ASB9: variants seen among roughly 807,000 people sequenced by gnomAD.
The protein encoded by ASB9 is ankyrin repeat and SOCS box protein 9.
A neutral mutation model predicts 16.6 loss-of-function variants in ASB9; 5 were observed. The ratio of observed to expected loss-of-function variants is 0.30; its 90% CI spans 0.16 to 0.63. ASB9 has a LOEUF of 0.63. Ranked by LOEUF, ASB9 falls within the 30% of genes least tolerant of loss-of-function variation. The pLI is 0.82. For missense variants in ASB9, 216 were observed against 229.4 expected (o/e 0.94, Z 0.38); for synonymous variants, 100 against 86.4 (o/e 1.16, Z -0.87).
chrX:15,265,880 C>T (rs1028304825), intron 1 of ASB9, among the ~76,000 whole-genome samples: 18 of 108,421 alleles, frequency 1.7e-4, no homozygotes, highest in African/African-American at 5.7e-4. Context: ...CTCGGCTCAC[C>T]ACAACCTCTG....
intron 3 of ASB9, among the ~76,000 whole-genome samples, chrX:15,254,234 G>A (rs1669918569): frequency 1.8e-5 from 2 of 112,143 alleles, no homozygotes; most frequent in Non-Finnish European, 3.8e-5. Context: ...TCATTTCTGG[G>A]ACTTTGCATT....
intron 1 of ASB9, among the ~76,000 whole-genome samples, chrX:15,268,424 A>G (rs1265336160): frequency 9.5e-6 from 1 of 104,951 alleles, no homozygotes; most frequent in Non-Finnish European, 2.0e-5. Flanking sequence ...TACCAGGTAT[A>G]TATTTTTTTC....
At chrX:15,262,878 C>A (rs886563438) in intron 1 of ASB9, among the ~76,000 whole-genome samples, 2 of 112,315 alleles carry the variant, frequency 1.8e-5, no homozygotes, top group African/African-American at 6.5e-5. Flanking sequence ...GTGATCCATG[C>A]GCCTCAGCCT....
In ASB9 at chrX:15,254,864, C is replaced by CA. The variant is rs769885325; in HGVS notation, c.175-21dup. 4 of 1,168,946 alleles carry CA rather than the reference C, an allele frequency of 3.4e-6. No individual in the cohort carries two copies. The highest frequency in any genetic ancestry group is 5.9e-5 in the East Asian group (2 of 33,676). ...CCACCCCTGAAGGAGGGGAAACAGTCAGAGTAAGGGGTGCAAAGCAACAGT... is the reference window on the plus strand; with the variant it reads ...CCACCCCTGAAGGAGGGGAAACAGTCAAGAGTAAGGGGTGCAAAGCAACAGT... On this transcript the variant is annotated intron_variant, in intron 2 of 6. Transcript: ENST00000380488.
At chrX:15,252,213 T>C in intron 4 of ASB9, 41 bp downstream of exon 4, 1 of 1,155,078 alleles carries the variant, frequency 8.7e-7, no homozygotes, top group Non-Finnish European at 1.2e-6. Context: ...AAGATGTCCC[T>C]TGAAGGAGTG....
chrX:15,250,813 C>A (rs951099447), intron 4 of ASB9, among the ~76,000 whole-genome samples: 2 of 112,076 alleles, frequency 1.8e-5, no homozygotes, highest in African/African-American at 6.5e-5. Flanking sequence ...GCTCCGCCTC[C>A]TGGGTTCACG....
At chrX:15,255,501 A>G (rs1925463133) in intron 2 of ASB9, among the ~76,000 whole-genome samples, 1 of 111,785 alleles carries the variant, frequency 8.9e-6, no homozygotes, top group Non-Finnish European at 1.9e-5. Context: ...AGAAAGCACA[A>G]TAAGGGGAGG....
chrX:15,270,231 G>A (rs1484395780), upstream of ASB9: 5 of 147,866 alleles, frequency 3.4e-5, no homozygotes, highest in African/African-American at 9.3e-5. Context: ...GGAAGCCTTG[G>A]AGTTTATCAG....
chrX:15,244,692 T>TA lies in ASB9; in HGVS notation c.761-63dup, dbSNP rs35732224. 1.0e-3 allele frequency: 987 copies of TA among 962,146 alleles called. 2 individuals are homozygous for TA. Among genetic ancestry groups the TA allele is most frequent in the Middle Eastern group, 3.4e-3 (12 of 3,492 alleles). 79.3% of individuals were successfully genotyped at this position (962,146 alleles called of 1,213,427 possible). On this transcript the variant is annotated intron_variant, in intron 6 of 6. Transcript: ENST00000380488. ...CTATTGATCTAAGACTCCTTTTTTTTAAAAAAAAAAAGCATCCAAGATAGA... is the reference window on the plus strand; with the variant it reads ...CTATTGATCTAAGACTCCTTTTTTTTAAAAAAAAAAAAGCATCCAAGATAGA...
chrX:15,257,999 C>G (rs1420047066), intron 2 of ASB9, among the ~76,000 whole-genome samples: 1 of 112,170 alleles, frequency 8.9e-6, no homozygotes, highest in Non-Finnish European at 1.9e-5. Flanking sequence ...ACCCAACCCA[C>G]AGCTGGGAGC....
intron 1 of ASB9, among the ~76,000 whole-genome samples, chrX:15,266,925 G>GTC (rs1926461818): frequency 1.2e-5 from 1 of 81,232 alleles, no homozygotes; most frequent in African/African-American, 4.9e-5. Flanking sequence ...GACAGAGCGA[G>GTC]ACTCCATCTC....
At chrX:15,262,125 CTTT>C (rs57262759) in intron 1 of ASB9, among the ~76,000 whole-genome samples, 1,486 of 93,299 alleles carry the variant, frequency 0.016, 11 homozygotes, top group Middle Eastern at 0.027. Context: ...TACTTCATTC[CTTT>C]TTTTTTTTTT....
At chrX:15,266,830 G>A (rs757347538) in intron 1 of ASB9, among the ~76,000 whole-genome samples, 7 of 108,938 alleles carry the variant, frequency 6.4e-5, no homozygotes, top group African/African-American at 2.4e-4. Flanking sequence ...CAGCTACTCA[G>A]GAGGCTGAGG....
intron 1 of ASB9, among the ~76,000 whole-genome samples, chrX:15,262,614 C>T (rs1020134980): frequency 1.8e-5 from 2 of 112,718 alleles, no homozygotes; most frequent in African/African-American, 6.4e-5. Flanking sequence ...AATAATTTAA[C>T]ATTTTTCTTT....
In ASB9 at chrX:15,254,885, A is replaced by G. The variant is rs189997882; in HGVS notation, c.175-41T>C. The stretch of plus-strand genomic sequence containing the variant: ...CAGTCAGAGTAAGGGGTGCAAAGCA[A>G]CAGTGCCCTGGGGCTGCTTTTCAGC... On this transcript the variant is annotated intron_variant, in intron 2 of 6. Coordinates refer to ENST00000380488, the MANE Select transcript of ASB9 (RefSeq NM_001031739.3). 196 of 1,085,125 alleles carry G rather than the reference A, an allele frequency of 1.8e-4. 1 individual carries two copies. The East Asian group carries it at 5.9e-3, about 33-fold the overall frequency. 89.4% of individuals were successfully genotyped at this position (1,085,125 alleles called of 1,213,427 possible).
chrX:15,267,758 A>G (rs1265470321), intron 1 of ASB9, among the ~76,000 whole-genome samples: 2 of 93,544 alleles, frequency 2.1e-5, no homozygotes, highest in Non-Finnish European at 4.5e-5. Flanking sequence ...AAAACAAAAA[A>G]AAAAAAAAAA....
At chrX:15,268,681 G>C (rs1926746883) in intron 1 of ASB9, among the ~76,000 whole-genome samples, 1 of 107,752 alleles carries the variant, frequency 9.3e-6, no homozygotes. Flanking sequence ...GCCTCCGAAA[G>C]TACTGGGATT....
rs768729194 is a variant in ASB9, at chrX:15,248,776, C to T, written c.728G>A (p.Ser243Asn). ...KRPVELVPPE[S>N]PLAQLFLERE... ...CTCCAAGAAGAGCTGGGCCAAGGGG[C>T]TCTCTGGAGGCACCAGCTCCACAGG... The change falls in exon 6 of 7, where the codon AGC becomes AAC. Residue 243 changes from serine (S) to asparagine (N), a missense_variant. Physicochemically the swap from Ser to Asn is conservative, Grantham distance 46. Transcript: ENST00000380488. 15 of 1,209,150 alleles carry T rather than the reference C, an allele frequency of 1.2e-5. No homozygotes were observed. In the South Asian group the frequency reaches 1.8e-4, roughly 14 times the overall value.
intron 4 of ASB9, among the ~76,000 whole-genome samples, chrX:15,251,860 G>T (rs1257530628): frequency 5.3e-5 from 6 of 112,569 alleles, no homozygotes; most frequent in Non-Finnish European, 9.4e-5. Context: ...GAAATAACTT[G>T]ATTTCTATAA....
Sources: gnomAD v4.1 joint callset for allele counts (sites outside exome capture counted in the v4.1 genomes callset) on GRCh38, gnomAD v4.1.1 for gene constraint, MANE v1.5 for transcripts, NCBI Gene and HGNC (gene_info 2026-07-23, HGNC 2026-07-21) for gene names.